SLCO2B1: variants seen among roughly 807,000 people sequenced by gnomAD.
The protein encoded by SLCO2B1 is OATP-RP2.
In SLCO2B1, 41 loss-of-function variants were observed where a neutral mutation model predicts 67.3. That is an observed-to-expected ratio of 0.61 (90% confidence interval 0.47 to 0.79). The LOEUF is 0.79. Among genes scored for constraint, SLCO2B1 ranks in the 30% least tolerant of loss-of-function variants. The pLI is 0.00. For missense variants in SLCO2B1, 837 were observed against 920.1 expected, an observed-to-expected ratio of 0.91 and a Z score of 1.17; for synonymous variants, 379 against 381.4, an observed-to-expected ratio of 0.99 and a Z score of 0.07.
rs1198823473 is a variant in SLCO2B1 at position 75,196,600 on chromosome 11, G to A, written c.1520G>A (p.Ser507Asn). 5 of 1,613,970 alleles carry A rather than the reference G, an allele frequency of 3.1e-6. No individual in the cohort carries two copies. The highest frequency in any genetic ancestry group is 1.3e-5 in the African/African-American group (1 of 74,932). Residue 507 changes from serine to asparagine, a missense_variant, in exon 10 of 14, where the codon AGC becomes AAC. Transcript: ENST00000289575. ...LDGFNPVCDP[S>N]TRVEYITPCH... ...GGCTTTAACCCTGTCTGCGACCCCA[G>A]CACTCGTGTGGAATACATCACACCC...
chr11:75,191,112 G>C (rs537799791), intron 8 of SLCO2B1, among the ~76,000 whole-genome samples: 1 of 152,248 alleles, frequency 6.6e-6, no homozygotes, highest in African/African-American at 2.4e-5. Context: ...GAGCCCTTTG[G>C]AGTCAGGCAG....
Position 75,168,819 on chromosome 11 carries a change from G to A in SLCO2B1, c.449-354G>A, listed in dbSNP as rs145483398. On this transcript the variant is annotated intron_variant, in intron 4 of 13. Coordinates refer to ENST00000289575, the MANE Select transcript of SLCO2B1 (RefSeq NM_007256.5). ...TCTGGAAAATTGTGTTTATTCTTCC[G>A]GACCCAGTTCAAACTACACCACCTT... Among the ~76,000 whole-genome samples the A allele has an allele frequency of 9.9e-5, 15 of 152,160 alleles. No homozygotes were observed. In the East Asian group the frequency reaches 2.5e-3, roughly 25 times the overall value.
At chr11:75,168,618 A>G (rs1270835213) in intron 4 of SLCO2B1, among the ~76,000 whole-genome samples, 4 of 152,126 alleles carry the variant, frequency 2.6e-5, no homozygotes, top group South Asian at 2.1e-4. Context: ...GCCCTCCACA[A>G]TCCAGCCCCA....
At chr11:75,162,858 C>A in intron 2 of SLCO2B1, 73 bp downstream of exon 2, 1 of 1,508,284 alleles carries the variant, frequency 6.6e-7, no homozygotes, top group Admixed American at 2.1e-5. Flanking sequence ...TGGTGTAATG[C>A]CAAGGAAGAC....
At chr11:75,171,982 T>C (rs997690403) in intron 6 of SLCO2B1, among the ~76,000 whole-genome samples, 1 of 152,172 alleles carries the variant, frequency 6.6e-6, no homozygotes, top group African/African-American at 2.4e-5. Context: ...TCTAAGTGCT[T>C]CACATCTATT....
intron 7 of SLCO2B1, among the ~76,000 whole-genome samples, chr11:75,173,163 C>A (rs935295154): frequency 6.6e-6 from 1 of 152,200 alleles, no homozygotes; most frequent in Non-Finnish European, 1.5e-5. Flanking sequence ...CTAACCACTA[C>A]AATATGGCCT....
At chr11:75,185,802 AG>A in intron 7 of SLCO2B1, among the ~76,000 whole-genome samples, 1 of 152,332 alleles carries the variant, frequency 6.6e-6, no homozygotes, top group East Asian at 1.9e-4. Context: ...GTTTATATAT[AG>A]GATGAAAAAA....
At chr11:75,203,040 A>G in intron 12 of SLCO2B1, 75 bp downstream of exon 12, 1 of 1,358,602 alleles carries the variant, frequency 7.4e-7, no homozygotes, top group Non-Finnish European at 1.1e-6. Flanking sequence ...CCTGGGGCAC[A>G]GGCATGAGCG....
rs767184428 is a variant in SLCO2B1, at chr11:75,194,786, A to AAATAGT, written c.1433+1211_1433+1212insAATAGT. ...ACAATTTTTTAAATAGTGCAGAAAAAGTCAGCTCATCTCACACACCCCATC... is the reference window on the plus strand; with the variant it reads ...ACAATTTTTTAAATAGTGCAGAAAAAAATAGTGTCAGCTCATCTCACACACCCCATC... On this transcript the variant is annotated intron_variant, in intron 9 of 13. Transcript: ENST00000289575. Among the ~76,000 whole-genome samples, 148 of 152,338 alleles carry AAATAGT rather than the reference A, an allele frequency of 9.7e-4. 3 individuals are homozygous for AAATAGT. In the South Asian group the frequency reaches 0.022, roughly 23 times the overall value.
chr11:75,175,658 G>A (rs1476564354), intron 7 of SLCO2B1, among the ~76,000 whole-genome samples: 1 of 152,006 alleles, frequency 6.6e-6, no homozygotes, highest in Non-Finnish European at 1.5e-5. Context: ...AGGTCTGTCG[G>A]CTCTGACAGG....
chr11:75,203,182 G>T lies in SLCO2B1; in HGVS notation c.1829-125G>T, dbSNP rs1008076924. 3 of 1,388,132 alleles carry T rather than the reference G, an allele frequency of 2.2e-6. No homozygotes were observed. In the African/African-American group the frequency reaches 4.3e-5, roughly 20 times the overall value. 86.0% of individuals were successfully genotyped at this position (1,388,132 alleles called of 1,614,324 possible). ...GCCACCTCGGATGCAGGGGTGGGGC[G>T]GGCTTGAGGGCCAGACAGCCAAGAG... On this transcript the variant is annotated intron_variant, in intron 12 of 13. Transcript: ENST00000289575.
At chr11:75,159,760 C>A in intron 1 of SLCO2B1, 2 of 769,168 alleles carry the variant, frequency 2.6e-6, no homozygotes, top group African/African-American at 1.9e-5. Flanking sequence ...GAGGCACAGG[C>A]TGTGGACTTT....
intron 7 of SLCO2B1, among the ~76,000 whole-genome samples, chr11:75,174,679 G>C (rs1367020719): frequency 6.6e-6 from 1 of 152,198 alleles, no homozygotes; most frequent in Non-Finnish European, 1.5e-5. Context: ...CCAAAGTTTC[G>C]AGAAGATGAA....
Position 75,205,809 on chromosome 11 carries a change from G to C in SLCO2B1, c.*1229G>C, listed in dbSNP as rs904768995. 1 of 152,212 alleles carries C rather than the reference G, an allele frequency of 6.6e-6. No homozygotes were observed. Among genetic ancestry groups the C allele is most frequent in the African/African-American group, 2.4e-5 (1 of 41,456 alleles). The allele number at this position is 152,212 out of a possible 1,614,324, so 9.4% of individuals were successfully genotyped here. On this transcript the variant is annotated 3_prime_UTR_variant, in exon 14 of 14. Coordinates refer to ENST00000289575, the MANE Select transcript of SLCO2B1 (RefSeq NM_007256.5). ...TCTGGCCTGGTTATTTCCTTGCGGG[G>C]AGGAGAGGGTTTGCTAATCTGCTCC...
At chr11:75,159,045 C>T (rs1203236096) in intron 1 of SLCO2B1, among the ~76,000 whole-genome samples, 3 of 152,236 alleles carry the variant, frequency 2.0e-5, no homozygotes, top group Non-Finnish European at 2.9e-5. Flanking sequence ...ACCTGGGAAA[C>T]GAAGTTTGTG....
intron 1 of SLCO2B1, among the ~76,000 whole-genome samples, chr11:75,155,996 C>T (rs555561154): frequency 3.3e-5 from 5 of 152,188 alleles, no homozygotes; most frequent in Non-Finnish European, 5.9e-5. Flanking sequence ...GGTTTGCAGA[C>T]GCAGCTGGGA....
At chr11:75,166,079 T>TC (rs926998377) in intron 4 of SLCO2B1, 130 bp downstream of exon 4, 260 of 1,130,280 alleles carry the variant, frequency 2.3e-4, no homozygotes, top group South Asian at 3.4e-4. Context: ...CAGCTGCTAG[T>TC]CCCCCCCCAA....
intron 7 of SLCO2B1, among the ~76,000 whole-genome samples, 177 bp downstream of exon 7, chr11:75,172,746 GGTGAAACCCC>G (rs954711348): frequency 1.2e-4 from 18 of 152,086 alleles, no homozygotes; most frequent in African/African-American, 4.3e-4. Flanking sequence ...TGGCTAACAC[GGTGAAACCCC>G]GTCTCTACTA....
In SLCO2B1 at chr11:75,172,472, T is replaced by A; in HGVS notation, c.875T>A (p.Ile292Asn). ...IAAGAVALAA[I>N]PYFFFPKEMP... is the part of the protein sequence containing the mutation. ...GCCGGTGCAGTGGCCCTGGCTGCCATCCCCTACTTCTTCTTCCCCAAGGAA... is the reference window on the plus strand; with the variant it reads ...GCCGGTGCAGTGGCCCTGGCTGCCAACCCCTACTTCTTCTTCCCCAAGGAA... Residue 292 changes from isoleucine to asparagine, a missense_variant, in exon 7 of 14, where the codon ATC (isoleucine) becomes AAC (asparagine). Ile to Asn is a moderately radical substitution (Grantham distance 149). Coordinates refer to ENST00000289575, the MANE Select transcript of SLCO2B1 (RefSeq NM_007256.5). 6.2e-7 allele frequency: 1 copy of A among 1,614,164 alleles called. No homozygotes were observed. Among genetic ancestry groups the A allele is most frequent in the Non-Finnish European group, 8.5e-7 (1 of 1,180,012 alleles).
Sources: gnomAD v4.1 joint callset for allele counts (sites outside exome capture counted in the v4.1 genomes callset) on GRCh38, gnomAD v4.1.1 for gene constraint, MANE v1.5 for transcripts, NCBI Gene and HGNC (gene_info 2026-07-23, HGNC 2026-07-21) for gene names.